GRM7: variants seen among roughly 807,000 people sequenced by gnomAD.
GRM7 encodes the protein metabotropic glutamate receptor 7.
GRM7 carries 35 observed loss-of-function variants against 84.5 expected under a neutral mutation model. That is an observed-to-expected ratio of 0.41 (90% CI 0.32 to 0.55). The LOEUF is 0.55. Among genes scored for constraint, GRM7 ranks in the 20% least tolerant of loss-of-function variants. The probability of loss-of-function intolerance (pLI) is 0.19; values close to 1 mark genes in which losing one functional copy is unlikely to be tolerated. For synonymous variants in GRM7, 487 were observed against 455.1 expected, an observed-to-expected ratio of 1.07 and a Z score of -0.89; for missense variants, 1,003 against 1,194.6, an observed-to-expected ratio of 0.84 and a Z score of 2.36.
chr3:7,586,720 A>C (rs1695537186), intron 8 of GRM7, among the ~76,000 whole-genome samples: 1 of 152,116 alleles, frequency 6.6e-6, no homozygotes. Flanking sequence ...AGGCACGAGA[A>C]GTGCTTGAAC....
chr3:7,462,824 A>G (rs532975678), intron 7 of GRM7, among the ~76,000 whole-genome samples: 1 of 152,268 alleles, frequency 6.6e-6, no homozygotes, highest in South Asian at 2.1e-4. Context: ...CCAAAAGATT[A>G]TGCTCTGGCA....
In GRM7 at chr3:7,606,032, G is replaced by C. The variant is rs575790354; in HGVS notation, c.2451+26675G>C. The stretch of plus-strand genomic sequence containing the variant: ...GTTGTTGCCTGTATCATCAGACAAA[G>C]CATAACCAAGACTCTGACAAATAGA... On this transcript the variant is annotated intron_variant, in intron 8 of 9. Coordinates refer to ENST00000357716, the MANE Select transcript of GRM7 (RefSeq NM_000844.4). Among the ~76,000 whole-genome samples, 3 of 152,296 alleles carry C rather than the reference G, an allele frequency of 2.0e-5. No individual in the cohort carries two copies. In the South Asian group the frequency reaches 6.2e-4, roughly 32 times the overall value.
At chr3:7,231,238 C>T (rs1472911) in intron 2 of GRM7, among the ~76,000 whole-genome samples, 136,979 of 152,182 alleles carry the variant, frequency 0.9, 61,908 homozygotes, top group East Asian at 1. Flanking sequence ...TCAGTTTTCC[C>T]GTTGTACATA....
intron 9 of GRM7, among the ~76,000 whole-genome samples, chr3:7,690,284 A>G (rs935714605): frequency 6.6e-5 from 10 of 152,126 alleles, no homozygotes; most frequent in Non-Finnish European, 1.3e-4. Flanking sequence ...CTGTGAGAAA[A>G]TGTGCTTGGA....
At chr3:7,585,106 G>A (rs1025377040) in intron 8 of GRM7, among the ~76,000 whole-genome samples, 4 of 152,174 alleles carry the variant, frequency 2.6e-5, no homozygotes, top group Non-Finnish European at 4.4e-5. Context: ...GGAGAGAGAG[G>A]TGTCCCAGTG....
chr3:7,025,310 G>A (rs1695941155), intron 1 of GRM7, among the ~76,000 whole-genome samples: 1 of 152,176 alleles, frequency 6.6e-6, no homozygotes, highest in South Asian at 2.1e-4. Context: ...CTAGGAATTA[G>A]GATGTGGACA....
chr3:6,958,502 T>G (rs983234659), intron 1 of GRM7, among the ~76,000 whole-genome samples: 2 of 152,158 alleles, frequency 1.3e-5, no homozygotes, highest in Non-Finnish European at 1.5e-5. Context: ...CTACAAGTAT[T>G]TGTGTGGATG....
intron 1 of GRM7, among the ~76,000 whole-genome samples, chr3:7,034,922 G>A (rs1230247572): frequency 6.6e-6 from 1 of 152,240 alleles, no homozygotes; most frequent in Non-Finnish European, 1.5e-5. Flanking sequence ...TCAGACCCTG[G>A]AGGAAGGAGA....
intron 2 of GRM7, among the ~76,000 whole-genome samples, chr3:7,261,863 G>T (rs137951528): frequency 4.6e-4 from 60 of 129,966 alleles, no homozygotes; most frequent in African/African-American, 1.6e-3. Flanking sequence ...TAGTTTGGCC[G>T]GATACAAAGT....
At chr3:7,541,535 G>A (rs1170804904) in intron 7 of GRM7, among the ~76,000 whole-genome samples, 1 of 152,146 alleles carries the variant, frequency 6.6e-6, no homozygotes, top group East Asian at 1.9e-4. Flanking sequence ...TCAGTTTTAA[G>A]AACTTACCCA....
intron 1 of GRM7, among the ~76,000 whole-genome samples, chr3:6,865,325 T>A (rs1266182354): frequency 6.6e-6 from 1 of 152,182 alleles, no homozygotes; most frequent in East Asian, 1.9e-4. Context: ...AATGGATAAA[T>A]CTCCTCTGAC....
At chr3:7,333,871 G>A (rs552257181) in intron 4 of GRM7, among the ~76,000 whole-genome samples, 19 of 152,082 alleles carry the variant, frequency 1.2e-4, no homozygotes, top group African/African-American at 4.6e-4. Flanking sequence ...GAACTTCAGA[G>A]CTCGAAGACA....
chr3:7,476,182 TC>T (rs1172739369), intron 7 of GRM7, among the ~76,000 whole-genome samples: 1 of 152,094 alleles, frequency 6.6e-6, no homozygotes, highest in Non-Finnish European at 1.5e-5. Flanking sequence ...CCAGGCTTCA[TC>T]CCCCCATCTG....
At chr3:6,954,530 C>T (rs1186487255) in intron 1 of GRM7, among the ~76,000 whole-genome samples, 2 of 152,098 alleles carry the variant, frequency 1.3e-5, no homozygotes, top group Admixed American at 6.6e-5. Flanking sequence ...AAGTTTTCAC[C>T]ACCCAGAAAG....
At chr3:7,255,326 T>C (rs1002086676) in intron 2 of GRM7, among the ~76,000 whole-genome samples, 6 of 152,232 alleles carry the variant, frequency 3.9e-5, no homozygotes, top group Admixed American at 3.3e-4. Flanking sequence ...TCTTGACTAA[T>C]CAACAGCTTT....
In GRM7 at chr3:6,945,374, C is replaced by T. The variant is rs555797673; in HGVS notation, c.519+83467C>T. 2.6e-5 allele frequency among the ~76,000 whole-genome samples: 4 copies of T among 152,084 alleles called. No individual in the cohort carries two copies. In the East Asian group the frequency reaches 7.7e-4, roughly 29 times the overall value. On this transcript the variant is annotated intron_variant, in intron 1 of 9. Coordinates refer to ENST00000357716, the MANE Select transcript of GRM7 (RefSeq NM_000844.4). ...GATGGTTTCCAGCTTCATTCATGCC[C>T]CTACAAAGGACACGAACTCATCATT... is the stretch of plus-strand genomic sequence containing the variant.
Position 7,578,524 on chromosome 3 carries a change from C to G in GRM7, c.1618C>G (p.Pro540Ala). Reference sequence around the variant, plus strand: ...GAGAAAGAAGACACAGAAAGGAACTCCTTGCTGTTGGACCTGTGAGCCTTG... The same window carrying G: ...GAGAAAGAAGACACAGAAAGGAACTGCTTGCTGTTGGACCTGTGAGCCTTG... ...GQRKKTQKGTPCCWTCEPCDG... is the reference protein window; with the variant it reads ...GQRKKTQKGTACCWTCEPCDG... The change falls in exon 8 of 10, where the codon CCT becomes GCT. Residue 540 changes from proline to alanine, a missense_variant. This residue lies in a region of GRM7 where 910 missense variants were observed against 1,126.0 expected (regional missense o/e 0.81). Transcript: ENST00000357716. The G allele has an allele frequency of 6.2e-7, 1 of 1,613,938 alleles. No homozygotes were observed. The highest frequency in any genetic ancestry group is 8.5e-7 in the Non-Finnish European group (1 of 1,179,872).
chr3:7,414,812 TAC>T (rs1161667958), intron 4 of GRM7, among the ~76,000 whole-genome samples: 2 of 152,106 alleles, frequency 1.3e-5, no homozygotes, highest in African/African-American at 4.8e-5. Context: ...TGCTAGTAAC[TAC>T]CTACCTGTCA....
chr3:6,876,755 C>G (rs1695320430), intron 1 of GRM7, among the ~76,000 whole-genome samples: 1 of 151,962 alleles, frequency 6.6e-6, no homozygotes, highest in Non-Finnish European at 1.5e-5. Context: ...GCACCCGTCA[C>G]CACGCCCAGC....
Sources: gnomAD v4.1 joint callset for allele counts (sites outside exome capture counted in the v4.1 genomes callset) on GRCh38, gnomAD v4.1.1 for gene constraint, gnomAD v4.1.1 regional missense constraint, MANE v1.5 for transcripts, NCBI Gene and HGNC (gene_info 2026-07-23, HGNC 2026-07-21) for gene names.